Variants in CCDC12 observed in about 807,000 individuals in gnomAD.
CCDC12 encodes the protein coiled-coil domain containing 12, also known as coiled-coil domain-containing protein 12.
Under a neutral mutation model 25.7 loss-of-function variants are expected in CCDC12, and 28 were observed. That is an observed-to-expected ratio of 1.09 (90% CI 0.81 to 1.50). CCDC12 has a LOEUF of 1.50. Among genes scored for constraint, CCDC12 ranks in the 40% most tolerant of loss-of-function variants. CCDC12 has a pLI of 0.00. For synonymous variants in CCDC12, 75 were observed against 87.7 expected (o/e 0.86, Z 0.81); for missense variants, 198 against 210.0 (o/e 0.94, Z 0.35).
chr3:46,932,684 G>T (rs1004854585), intron 2 of CCDC12, among the ~76,000 whole-genome samples: 5 of 152,216 alleles, frequency 3.3e-5, no homozygotes, highest in Non-Finnish European at 7.3e-5. Context: ...GGGGTGGACA[G>T]GCCTCCAAGC....
intron 1 of CCDC12, among the ~76,000 whole-genome samples, chr3:46,963,763 T>C (rs1273754605): frequency 2.6e-5 from 4 of 152,234 alleles, no homozygotes; most frequent in Non-Finnish European, 5.9e-5. Flanking sequence ...CAGTGCTCAA[T>C]GGTGCCCAGG....
chr3:46,978,312 G>A (rs1169139063), upstream of CCDC12, among the ~76,000 whole-genome samples: 1 of 152,186 alleles, frequency 6.6e-6, no homozygotes, highest in Non-Finnish European at 1.5e-5. Flanking sequence ...GATGGATGAA[G>A]CAGGACAAAA....
At chr3:46,926,789 G>A (rs368167282) in intron 2 of CCDC12, among the ~76,000 whole-genome samples, 90 of 152,244 alleles carry the variant, frequency 5.9e-4, no homozygotes, top group African/African-American at 1.9e-3. Context: ...TACCTCTTTC[G>A]GTTCTTGACC....
Position 46,966,606 on chromosome 3 carries a change from G to A in CCDC12, c.96+10031C>T, listed in dbSNP as rs141348890. 2.1e-3 allele frequency among the ~76,000 whole-genome samples: 320 copies of A among 152,268 alleles called. 3 individuals are homozygous for A. The highest frequency in any genetic ancestry group is 7.4e-3 in the African/African-American group (307 of 41,540). On this transcript the variant is annotated intron_variant, in intron 1 of 6. Transcript: ENST00000683445. ...ATGAAGACCTGAGCACTAGCAAGAA[G>A]GCTGCCAGCATCCAAACACCAGGTG...
intron 1 of CCDC12, among the ~76,000 whole-genome samples, chr3:46,957,320 G>C (rs1375789736): frequency 2.0e-5 from 3 of 152,172 alleles, no homozygotes; most frequent in Non-Finnish European, 4.4e-5. Context: ...GGCAGTAGCA[G>C]TTTCCTCATT....
rs557351482 is a variant in CCDC12 at position 46,976,573 on chromosome 3, C to T, written c.96+64G>A. 1.2e-5 allele frequency: 19 copies of T among 1,560,568 alleles called. No individual in the cohort carries two copies. The East Asian group carries it at 3.8e-4, about 32-fold the overall frequency. On this transcript the variant is annotated intron_variant, in intron 1 of 6. Transcript: ENST00000683445. ...TTCCTTATTAGCCCTTTGCTCTCCTCAAGCGCGACCCGGACCCCGAACGCT... is the reference window on the plus strand; with the variant it reads ...TTCCTTATTAGCCCTTTGCTCTCCTTAAGCGCGACCCGGACCCCGAACGCT...
chr3:46,924,935 A>G, intron 3 of CCDC12: 1 of 241,672 alleles, frequency 4.1e-6, no homozygotes, highest in Admixed American at 5.1e-5. Context: ...AGTGGTGTGG[A>G]CGGCCAGAAG....
At chr3:46,927,381 T>C (rs541832292) in intron 2 of CCDC12, among the ~76,000 whole-genome samples, 2 of 151,986 alleles carry the variant, frequency 1.3e-5, no homozygotes, top group African/African-American at 2.4e-5. Context: ...CAGGGATTAG[T>C]AAGAAAAAAA....
chr3:46,979,776 C>T, upstream of CCDC12: 1 of 364,516 alleles, frequency 2.7e-6, no homozygotes, highest in East Asian at 4.1e-5. Context: ...GCCCTCCGCC[C>T]ATGGGCCTGG....
rs148026492 is a variant in CCDC12, at chr3:46,943,209, C to G, written c.97-2144G>C. On this transcript the variant is annotated intron_variant, in intron 1 of 6. Transcript: ENST00000683445. ...AAACAAGTCAGGATTCTCCAAATGG[C>G]TCCCAGGGCTGCTGGGACCTGGACG... Among the ~76,000 whole-genome samples, 635 of 152,274 alleles carry G rather than the reference C, an allele frequency of 4.2e-3. 5 individuals carry two copies. The highest frequency in any genetic ancestry group is 0.015 in the African/African-American group (607 of 41,536).
intron 1 of CCDC12, among the ~76,000 whole-genome samples, chr3:46,969,243 C>T (rs2034727964): frequency 6.6e-6 from 1 of 152,176 alleles, no homozygotes; most frequent in Non-Finnish European, 1.5e-5. Context: ...CCTAGTACTC[C>T]CAAGTCAGAG....
At chr3:46,975,159 G>T (rs552516427) in intron 1 of CCDC12, among the ~76,000 whole-genome samples, 2 of 151,842 alleles carry the variant, frequency 1.3e-5, no homozygotes, top group Non-Finnish European at 2.9e-5. Flanking sequence ...CATCCCCAAA[G>T]AAAGAACTAA....
At chr3:46,932,499 T>C (rs907634009) in intron 2 of CCDC12, among the ~76,000 whole-genome samples, 1 of 152,226 alleles carries the variant, frequency 6.6e-6, no homozygotes, top group African/African-American at 2.4e-5. Context: ...AAGGCAACTG[T>C]GGCCCCAGCC....
At chr3:46,932,894 A>C (rs1314311631) in intron 2 of CCDC12, among the ~76,000 whole-genome samples, 1 of 152,308 alleles carries the variant, frequency 6.6e-6, no homozygotes, top group East Asian at 1.9e-4. Flanking sequence ...ACATTTTCTC[A>C]ATGTGGAAAA....
upstream of CCDC12, chr3:46,979,766 G>T: frequency 2.9e-6 from 1 of 346,724 alleles, no homozygotes; most frequent in Non-Finnish European, 5.2e-6. Context: ...CCGGAGTGAC[G>T]CCCTCCGCCC....
intron 1 of CCDC12, among the ~76,000 whole-genome samples, chr3:46,965,233 C>T (rs1453023357): frequency 6.6e-6 from 1 of 152,198 alleles, no homozygotes; most frequent in Non-Finnish European, 1.5e-5. Context: ...GCTTGAATTT[C>T]AACATTCCTT....
At chr3:46,925,056 G>A in intron 3 of CCDC12, 1 of 366,696 alleles carries the variant, frequency 2.7e-6, no homozygotes, top group Non-Finnish European at 5.4e-6. Context: ...GCTGTGTGTG[G>A]CTGAATGACT....
intron 1 of CCDC12, among the ~76,000 whole-genome samples, chr3:46,953,648 GAA>G (rs527618724): frequency 2.8e-5 from 3 of 105,390 alleles, no homozygotes; most frequent in Admixed American, 1.0e-4. Context: ...CTCAAGCTTG[GAA>G]AAAAAAAAAA....
At chr3:46,943,823 A>G (rs2033806573) in intron 1 of CCDC12, among the ~76,000 whole-genome samples, 1 of 152,240 alleles carries the variant, frequency 6.6e-6, no homozygotes, top group African/African-American at 2.4e-5. Flanking sequence ...CCAGCCTGGG[A>G]TGCTGTGCAA....
Sources: allele counts gnomAD v4.1 joint callset (sites outside exome capture counted in the v4.1 genomes callset), GRCh38; gene constraint gnomAD v4.1.1; transcripts MANE v1.5; gene names NCBI Gene and HGNC (gene_info 2026-07-23, HGNC 2026-07-21).